The following SLC45A1 variants were observed in gnomAD, a reference collection of about 807,000 sequenced individuals.
SLC45A1 encodes proton-associated sugar transporter A.
In SLC45A1, 28 loss-of-function variants were observed where a neutral mutation model predicts 57.6. That is an observed-to-expected ratio of 0.49 (90% CI 0.36 to 0.67). SLC45A1 has a LOEUF of 0.67. SLC45A1 is among the 30% of genes least tolerant of loss of function. The pLI is 0.00. For synonymous variants in SLC45A1, 459 were observed against 471.5 expected, an observed-to-expected ratio of 0.97 and a Z score of 0.34; for missense variants, 814 against 1,041.5, an observed-to-expected ratio of 0.78 and a Z score of 3.01.
In SLC45A1 at chr1:8,328,053, A is replaced by C. The variant is rs1640255466; in HGVS notation, c.715+2011A>C. ...CTCAAAATAAATAAATTAAAATAAAATAAAATAGCAATTGGCTGGGCCGAA... is the reference window on the plus strand; with the variant it reads ...CTCAAAATAAATAAATTAAAATAAACTAAAATAGCAATTGGCTGGGCCGAA... On this transcript the variant is annotated intron_variant, in intron 4 of 8. Transcript: ENST00000471889. This position sits in a 1 kb window ranked among gnomAD's most constrained non-coding sequence, Gnocchi z 4.6. 1 of 152,222 alleles carries C rather than the reference A, an allele frequency of 6.6e-6. No homozygotes were observed. The highest frequency in any genetic ancestry group is 2.4e-5 in the African/African-American group (1 of 41,456). 9.4% of individuals were successfully genotyped at this position (152,222 alleles called of 1,614,324 possible).
At chr1:8,334,980 T>C (rs1296950428) in intron 5 of SLC45A1, among the ~76,000 whole-genome samples, 1 of 152,184 alleles carries the variant, frequency 6.6e-6, no homozygotes, top group African/African-American at 2.4e-5. Context: ...CCCTGTCTTC[T>C]GTGTGGTGGG....
At chr1:8,331,038 C>A in intron 5 of SLC45A1, 102 bp downstream of exon 5, 2 of 1,430,708 alleles carry the variant, frequency 1.4e-6, no homozygotes, top group Non-Finnish European at 9.3e-7. Context: ...GGAAGAAATT[C>A]CCGGCTGTTA....
At chr1:8,323,280 C>G (rs1183749047) in intron 1 of SLC45A1, among the ~76,000 whole-genome samples, 1 of 152,114 alleles carries the variant, frequency 6.6e-6, no homozygotes, top group African/African-American at 2.4e-5. Flanking sequence ...ATCACGAGGT[C>G]AGGAGATAGA....
rs1640343286 is a variant in SLC45A1 at position 8,330,257 on chromosome 1, A to C, written c.764A>C (p.Lys255Thr). 1.2e-6 allele frequency: 2 copies of C among 1,613,776 alleles called. No homozygotes were observed. Among genetic ancestry groups the C allele is most frequent in the Admixed American group, 1.7e-5 (1 of 59,994 alleles). Reference protein sequence around the residue: ...GYVVGGIHWDKTGFGRALGGQ... With the variant: ...GYVVGGIHWDTTGFGRALGGQ... ...GTGGTCGGCGGAATCCACTGGGATA[A>C]AACGGGCTTCGGGAGGGCCCTGGGG... is the stretch of plus-strand genomic sequence containing the variant. The change falls in exon 5 of 9, where the codon AAA becomes ACA. Residue 255 changes from lysine (K) to threonine (T), a missense_variant. Lys to Thr is a moderately conservative substitution (Grantham distance 78). Coordinates refer to ENST00000471889, the MANE Select transcript of SLC45A1 (RefSeq NM_001080397.3). This position sits in a 1 kb window ranked among gnomAD's most constrained non-coding sequence, Gnocchi z 8.4.
Position 8,335,525 on chromosome 1 carries a change from G to A in SLC45A1, c.1532G>A (p.Arg511His), listed in dbSNP as rs192589202. 1.2e-5 allele frequency: 19 copies of A among 1,605,650 alleles called. No homozygotes were observed. Among genetic ancestry groups the A allele is most frequent in the East Asian group, 1.1e-4 (5 of 44,836 alleles). The change falls in exon 6 of 9, where the codon CGC (arginine) becomes CAC (histidine). Residue 511 changes from arginine to histidine, a missense_variant. Coordinates refer to ENST00000471889, the MANE Select transcript of SLC45A1 (RefSeq NM_001080397.3). The surrounding 1 kb of genome is among the most constrained non-coding windows in gnomAD (Gnocchi z 4.1). ...ERAEQPLSVG[R>H]LCSTICNMPK... ...GCGGAGCAGCCTCTGTCCGTGGGGCGCCTCTGCTCCACCATCTGCAACATG... is the reference window on the plus strand; with the variant it reads ...GCGGAGCAGCCTCTGTCCGTGGGGCACCTCTGCTCCACCATCTGCAACATG...
chr1:8,328,467 GGAA>G lies in SLC45A1; in HGVS notation c.716-1737_716-1735del, dbSNP rs1408033058. Among the ~76,000 whole-genome samples the G allele has an allele frequency of 6.6e-6, 1 of 152,228 alleles. No homozygotes were observed. Among genetic ancestry groups the G allele is most frequent in the Non-Finnish European group, 1.5e-5 (1 of 68,046 alleles). On this transcript the variant is annotated intron_variant, in intron 4 of 8. Transcript: ENST00000471889. This position sits in a 1 kb window ranked among gnomAD's most constrained non-coding sequence, Gnocchi z 4.6. The stretch of plus-strand genomic sequence containing the variant: ...GGGCGAGTGCTGGGCTTGGCAGAGA[GGAA>G]GAAGGACGTCGGTTTTTACCTTACG...
rs751721461 is a variant in SLC45A1, at chr1:8,337,829, C to T, written c.1611C>T (p.Phe537=). The T allele has an allele frequency of 8.1e-6, 13 of 1,613,646 alleles. No individual in the cohort carries two copies. The highest frequency in any genetic ancestry group is 6.7e-5 in the East Asian group (3 of 44,878). The change falls in exon 7 of 9, where the codon TTC becomes TTT. Residue 537 remains phenylalanine (F), a synonymous_variant. Coordinates refer to ENST00000471889, the MANE Select transcript of SLC45A1 (RefSeq NM_001080397.3). ...TCTTTCTTCCAGGGTGGCTCTCATT[C>T]GAGGGGATGTTGCTCTTCTACACAG... The part of the protein sequence containing the change: ...CVNHFLGWLS[F]EGMLLFYTDF...
At chr1:8,337,512 G>A (rs563087786) in intron 6 of SLC45A1, among the ~76,000 whole-genome samples, 2 of 152,260 alleles carry the variant, frequency 1.3e-5, no homozygotes, top group African/African-American at 4.8e-5. Context: ...TCCACCTCCC[G>A]GGTTCACACC....
At chr1:8,323,526 G>T (rs1640098768) in intron 1 of SLC45A1, among the ~76,000 whole-genome samples, 1 of 152,010 alleles carries the variant, frequency 6.6e-6, no homozygotes. Context: ...GTTGAAGCTG[G>T]GGGGTGGGGA....
intron 1 of SLC45A1, among the ~76,000 whole-genome samples, chr1:8,322,034 AGTGGGTGGGTGGGTGG>A (rs1640030592): frequency 1.4e-4 from 1 of 7,302 alleles, no homozygotes; most frequent in Non-Finnish European, 2.3e-4. Context: ...TGGATGGGTG[AGTGGGTGGGTGGGTGG>A]ATGGATGGAT....
chr1:8,324,220 C>G (rs1401159037), intron 1 of SLC45A1, 86 bp from the exon 2 acceptor site: 17 of 1,249,972 alleles, frequency 1.4e-5, no homozygotes, highest in Admixed American at 7.9e-5. Flanking sequence ...GTGTTTGACT[C>G]TAAATTCTGC....
chr1:8,334,981 G>C (rs758670132), intron 5 of SLC45A1, among the ~76,000 whole-genome samples: 1 of 152,214 alleles, frequency 6.6e-6, no homozygotes, highest in Non-Finnish European at 1.5e-5. Context: ...CCTGTCTTCT[G>C]TGTGGTGGGG....
chr1:8,322,628 G>T (rs75284387), intron 1 of SLC45A1, among the ~76,000 whole-genome samples: 1 of 152,112 alleles, frequency 6.6e-6, no homozygotes, highest in South Asian at 2.1e-4. Flanking sequence ...TCTAGTGATA[G>T]TGTGATGGAA....
chr1:8,333,714 C>A (rs148048053), intron 5 of SLC45A1, among the ~76,000 whole-genome samples: 1 of 152,334 alleles, frequency 6.6e-6, no homozygotes, highest in African/African-American at 2.4e-5. Flanking sequence ...GGATTCCAGG[C>A]GTGAGCCACC....
At chr1:8,338,405 TAGGGGTGGGCAGGGGCC>T (rs1459832572) in intron 7 of SLC45A1, among the ~76,000 whole-genome samples, 1 of 152,152 alleles carries the variant, frequency 6.6e-6, no homozygotes, top group Non-Finnish European at 1.5e-5. Context: ...TCGTGGAGCG[TAGGGGTGGGCAGGGGCC>T]AGGGGCCCAG....
chr1:8,324,535 C>G lies in SLC45A1; in HGVS notation c.206C>G (p.Pro69Arg). 6.2e-7 allele frequency: 1 copy of G among 1,611,846 alleles called. No homozygotes were observed. Among genetic ancestry groups the G allele is most frequent in the Non-Finnish European group, 8.5e-7 (1 of 1,179,416 alleles). Residue 69 changes from proline (P) to arginine (R), a missense_variant, in exon 2 of 9, where the codon CCG becomes CGG. By Grantham distance (103) the Pro-to-Arg change is moderately radical. Transcript: ENST00000471889. ...SPPPPPNTPC[P>R]LELVDFGDLH... Reference sequence around the variant, plus strand: ...CCCCCGCCCCCCAACACCCCGTGCCCGCTTGAGCTGGTGGACTTCGGGGAC... The same window carrying G: ...CCCCCGCCCCCCAACACCCCGTGCCGGCTTGAGCTGGTGGACTTCGGGGAC...
In SLC45A1 at chr1:8,325,838, C is replaced by G; in HGVS notation, c.511C>G (p.Leu171Val). 6.2e-7 allele frequency: 1 copy of G among 1,613,654 alleles called. No individual in the cohort carries two copies. Among genetic ancestry groups the G allele is most frequent in the Non-Finnish European group, 8.5e-7 (1 of 1,180,048 alleles). Residue 171 changes from leucine (L) to valine (V), a missense_variant, in exon 4 of 9, where the codon CTC (leucine) becomes GTC (valine). Leu to Val is a conservative substitution (Grantham distance 32). Transcript: ENST00000471889. The surrounding 1 kb of genome is among the most constrained non-coding windows in gnomAD (Gnocchi z 6.3). ...LAIGALLGLS[L>V]LLNGRDIGIA... ...TCCAGGGGCACTGCTGGGCCTCTCG[C>G]TCTTGCTGAATGGCCGGGACATTGG...
chr1:8,320,650 T>A (rs937728537), intron 1 of SLC45A1, among the ~76,000 whole-genome samples: 2 of 148,922 alleles, frequency 1.3e-5, no homozygotes, highest in African/African-American at 5.0e-5. Flanking sequence ...TGTCTGTCTG[T>A]CTGTCTGTCT....
chr1:8,322,239 G>A (rs375914302), intron 1 of SLC45A1, among the ~76,000 whole-genome samples: 11 of 344 alleles, frequency 0.032, no homozygotes, highest in South Asian at 0.25. Flanking sequence ...GGGTGGGTGG[G>A]TGGATGGATG....
Sources: allele counts gnomAD v4.1 joint callset (sites outside exome capture counted in the v4.1 genomes callset), GRCh38; gene constraint gnomAD v4.1.1; non-coding constraint Gnocchi (gnomAD v3.1); transcripts MANE v1.5; gene names NCBI Gene and HGNC (gene_info 2026-07-23, HGNC 2026-07-21).